PNPLA6: variants seen among roughly 807,000 people sequenced by gnomAD.
PNPLA6 encodes patatin-like phospholipase domain-containing protein 6.
In PNPLA6, 105 loss-of-function variants were observed where a neutral mutation model predicts 153.7. The ratio of observed to expected loss-of-function variants is 0.68; its 90% CI spans 0.58 to 0.80. The LOEUF is 0.80. PNPLA6 is among the 30% of genes least tolerant of loss of function. PNPLA6 has a pLI of 0.00. For synonymous variants in PNPLA6, 825 were observed against 822.2 expected, an observed-to-expected ratio of 1.00 and a Z score of -0.06; for missense variants, 1,423 against 1,919.3, an observed-to-expected ratio of 0.74 and a Z score of 4.83.
At position 7,561,067 on chromosome 19, in the gene PNPLA6, G is replaced by A. The variant is rs1284703482; in HGVS notation, c.3870G>A (p.Arg1290=). The change falls in exon 30 of 32, where the codon CGG becomes CGA. Residue 1290 remains arginine (R), a synonymous_variant. Transcript: ENST00000600737. ...CTGACTTGGCAGAGATTGTGTCCCG[G>A]ATTGAGCCCCCCACGAGCTATGTCT... ...GFTDLAEIVS[R]IEPPTSYVSD... 6.2e-7 allele frequency: 1 copy of A among 1,613,492 alleles called. No homozygotes were observed. Among genetic ancestry groups the A allele is most frequent in the Admixed American group, 1.7e-5 (1 of 59,886 alleles).
chr19:7,538,581 C>G (rs1568406072), intron 3 of PNPLA6, among the ~76,000 whole-genome samples: 1 of 152,180 alleles, frequency 6.6e-6, no homozygotes, highest in African/African-American at 2.4e-5. Flanking sequence ...AGCGGAGGGT[C>G]TTTCTCAGCA....
At chr19:7,551,613 G>T (rs2023656122) in intron 18 of PNPLA6, among the ~76,000 whole-genome samples, 176 bp downstream of exon 18, 1 of 152,164 alleles carries the variant, frequency 6.6e-6, no homozygotes, top group African/African-American at 2.4e-5. Flanking sequence ...CTGGGGAATG[G>T]AGTTCGTGTT....
chr19:7,544,117 T>C (rs933392012), intron 13 of PNPLA6, among the ~76,000 whole-genome samples: 2 of 149,864 alleles, frequency 1.3e-5, no homozygotes, highest in African/African-American at 4.9e-5. Flanking sequence ...CCGGCCTTTT[T>C]TTTTTTGTTT....
chr19:7,558,805 C>G, intron 27 of PNPLA6, 45 bp from the exon 28 acceptor site: 2 of 1,483,206 alleles, frequency 1.3e-6, no homozygotes, highest in Non-Finnish European at 9.2e-7. Context: ...ATCTCTGCCC[C>G]GGGCCCCCGA....
chr19:7,535,694 G>A (rs912658363), upstream of PNPLA6: 19 of 1,526,088 alleles, frequency 1.2e-5, no homozygotes, highest in Admixed American at 3.7e-4. The surrounding 1 kb of genome is among the most constrained non-coding windows in gnomAD (Gnocchi z 5.0). Context: ...CGTCCGCTCG[G>A]GCGGAACTAC....
Position 7,540,733 on chromosome 19 carries a change from A to AG in PNPLA6, c.795+29dup. On this transcript the variant is annotated intron_variant, in intron 6 of 31. Transcript: ENST00000600737. This position sits in a 1 kb window ranked among gnomAD's most constrained non-coding sequence, Gnocchi z 6.8. ...ACCGTGAGTGACCAGTTTCTGAGGC[A>AG]GGGGGGCTGGGGTGCAAGGTCCCAC... 2 of 1,600,488 alleles carry AG rather than the reference A, an allele frequency of 1.2e-6. No individual in the cohort carries two copies. Among genetic ancestry groups the AG allele is most frequent in the Non-Finnish European group, 1.7e-6 (2 of 1,167,624 alleles).
chr19:7,543,714 G>A (rs2023258028), intron 13 of PNPLA6, among the ~76,000 whole-genome samples: 1 of 152,192 alleles, frequency 6.6e-6, no homozygotes, highest in African/African-American at 2.4e-5. Flanking sequence ...CCAGAGTGTG[G>A]CAGATGATCT....
At chr19:7,536,336 C>A in intron 2 of PNPLA6, 63 bp downstream of exon 2, 1 of 1,448,558 alleles carries the variant, frequency 6.9e-7, no homozygotes, top group Non-Finnish European at 9.7e-7. Context: ...TCCCTATTTA[C>A]ACTTCTTAGT....
chr19:7,543,118 C>T, intron 13 of PNPLA6, 34 bp downstream of exon 13: 1 of 1,566,786 alleles, frequency 6.4e-7, no homozygotes, highest in Non-Finnish European at 8.8e-7. Flanking sequence ...ACCATGCCAC[C>T]TGAGATCATT....
chr19:7,553,360 T>C (rs2023738266), intron 18 of PNPLA6, among the ~76,000 whole-genome samples: 1 of 152,228 alleles, frequency 6.6e-6, no homozygotes, highest in Admixed American at 6.5e-5. Context: ...CAAGTGATTC[T>C]CCTGCCTCAG....
intron 3 of PNPLA6, among the ~76,000 whole-genome samples, chr19:7,536,886 C>T (rs1243604133): frequency 7.0e-6 from 1 of 142,234 alleles, no homozygotes; most frequent in Non-Finnish European, 1.5e-5. Context: ...GAGATCATGC[C>T]ACTGCACTCC....
chr19:7,549,496 T>TCTTCTTTA (rs59753320), intron 13 of PNPLA6, among the ~76,000 whole-genome samples: 3 of 127,704 alleles, frequency 2.3e-5, no homozygotes, highest in African/African-American at 8.5e-5. Context: ...TTCTTCTTCT[T>TCTTCTTTA]TTTTTTTTTA....
chr19:7,543,564 C>T (rs2023251893), intron 13 of PNPLA6, among the ~76,000 whole-genome samples: 1 of 152,164 alleles, frequency 6.6e-6, no homozygotes, highest in Non-Finnish European at 1.5e-5. Context: ...ATGTATCCTA[C>T]CATTCTGTCC....
chr19:7,549,857 G>A lies in PNPLA6; in HGVS notation c.1609-50G>A, dbSNP rs2023567221. 1.9e-6 allele frequency: 3 copies of A among 1,561,314 alleles called. No individual in the cohort carries two copies. The East Asian group carries it at 6.7e-5, about 35-fold the overall frequency. On this transcript the variant is annotated intron_variant, in intron 13 of 31. Transcript: ENST00000600737. ...TGTGGGGGCATGTTGACCTGAGCTG[G>A]GGTCCACGCTGTCCGGGTTCTGTGT...
At position 7,539,971 on chromosome 19, in the gene PNPLA6, C is replaced by A; in HGVS notation, c.467C>A (p.Pro156His). The A allele has an allele frequency of 6.3e-7, 1 of 1,579,138 alleles. No homozygotes were observed. Among genetic ancestry groups the A allele is most frequent in the Non-Finnish European group, 8.6e-7 (1 of 1,162,724 alleles). Residue 156 changes from proline (P) to histidine (H), a missense_variant, in exon 4 of 32, where the codon CCC (proline) becomes CAC (histidine). Pro to His is a moderately conservative substitution (Grantham distance 77). Around this residue, in one of 10 missense-constraint regions of PNPLA6, gnomAD observed 74 missense variants for 171.3 expected, o/e 0.43. Transcript: ENST00000600737. ...TPTLQRKEPP[P>H]AVLEADLTEG... ...ACGCTGCAGCGGAAGGAGCCCCCGC[C>A]CGCAGTGCTAGAAGCTGACCTGACC...
rs1019232552 is a variant in PNPLA6 at position 7,557,055 on chromosome 19, G to T, written c.3281-113G>T. 3.4e-6 allele frequency: 3 copies of T among 879,248 alleles called. No homozygotes were observed. The African/African-American group carries it at 4.9e-5, about 14-fold the overall frequency. 54.5% of individuals were successfully genotyped at this position (879,248 alleles called of 1,614,324 possible). On this transcript the variant is annotated intron_variant, in intron 26 of 31. Coordinates refer to ENST00000600737, the MANE Select transcript of PNPLA6 (RefSeq NM_001166114.2). ...CCCCAAGGACGGGCACCTGCTGGTG[G>T]ACGGGTGCTACGTTAACAACGTCCC...
At position 7,541,845 on chromosome 19, in the gene PNPLA6, G is replaced by A; in HGVS notation, c.1169-139G>A. 9.0e-7 allele frequency: 1 copy of A among 1,116,842 alleles called. No homozygotes were observed. The highest frequency in any genetic ancestry group is 1.3e-6 in the Non-Finnish European group (1 of 758,606). The allele number at this position is 1,116,842 out of a possible 1,614,324, so 69.2% of individuals were successfully genotyped here. Reference sequence around the variant, plus strand: ...GGTCTGACTCCTATCTGGTACCGAGGAAGCTGTGGCCTCGTCCCCAAGGGC... The same window carrying A: ...GGTCTGACTCCTATCTGGTACCGAGAAAGCTGTGGCCTCGTCCCCAAGGGC... On this transcript the variant is annotated intron_variant, in intron 9 of 31. Transcript: ENST00000600737. This position sits in a 1 kb window ranked among gnomAD's most constrained non-coding sequence, Gnocchi z 5.2.
rs1170566558 is a variant in PNPLA6, at chr19:7,553,130, T to C, written c.2261-745T>C. On this transcript the variant is annotated intron_variant, in intron 18 of 31. Transcript: ENST00000600737. Reference sequence around the variant, plus strand: ...GATTGGGGAGGAAGGATTCCACCAGTAAGGAGGCAACAAGAGGTCTAGGCA... The same window carrying C: ...GATTGGGGAGGAAGGATTCCACCAGCAAGGAGGCAACAAGAGGTCTAGGCA... Among the ~76,000 whole-genome samples, 5 of 152,158 alleles carry C rather than the reference T, an allele frequency of 3.3e-5. No homozygotes were observed. The South Asian group carries it at 1.0e-3, about 31-fold the overall frequency.
At chr19:7,535,013 C>A (rs1279049614), upstream of PNPLA6, 2 of 170,142 alleles carry the variant, frequency 1.2e-5, no homozygotes, top group Non-Finnish European at 1.3e-5. The surrounding 1 kb of genome is among the most constrained non-coding windows in gnomAD (Gnocchi z 5.0). Context: ...TAGGTGCCCA[C>A]TCCCGGACCC....
Sources: gnomAD v4.1 joint callset for allele counts (sites outside exome capture counted in the v4.1 genomes callset) on GRCh38, gnomAD v4.1.1 for gene constraint, gnomAD v4.1.1 regional missense constraint, Gnocchi (gnomAD v3.1) non-coding constraint, MANE v1.5 for transcripts, NCBI Gene and HGNC (gene_info 2026-07-23, HGNC 2026-07-21) for gene names.